The following FAM120A variants were observed in gnomAD, a reference collection of about 807,000 sequenced individuals.
FAM120A encodes family with sequence similarity 120 member A.
In FAM120A, 15 loss-of-function variants were observed where a neutral mutation model predicts 109.7. That is an observed-to-expected ratio of 0.14 (90% CI 0.09 to 0.21). FAM120A has a LOEUF of 0.21. FAM120A is among the 10% of genes least tolerant of loss of function. The pLI is 1.00. For synonymous variants in FAM120A, 493 were observed against 572.8 expected, an observed-to-expected ratio of 0.86 and a Z score of 1.99; for missense variants, 899 against 1,439.3, an observed-to-expected ratio of 0.62 and a Z score of 6.07.
intron 3 of FAM120A, among the ~76,000 whole-genome samples, chr9:93,484,073 T>G (rs1374791128): frequency 6.6e-6 from 1 of 151,970 alleles, no homozygotes; most frequent in African/African-American, 2.4e-5. Flanking sequence ...TCTTGCTCTG[T>G]TGCTCAGGCT....
At position 93,548,514 on chromosome 9, in the gene FAM120A, C is replaced by T. The variant is rs2131536946; in HGVS notation, c.2160-2063C>T. 2.0e-5 allele frequency among the ~76,000 whole-genome samples: 3 copies of T among 152,208 alleles called. 1 individual carries two copies. The highest frequency in any genetic ancestry group is 2.9e-5 in the Non-Finnish European group (2 of 68,022). On this transcript the variant is annotated intron_variant, in intron 11 of 17. Coordinates refer to ENST00000277165, the MANE Select transcript of FAM120A (RefSeq NM_014612.5). Reference sequence around the variant, plus strand: ...TGTGGATGGATGATGGTCATGGTTGCACAGCAGTGTGAATGTGCTTAATGC... The same window carrying T: ...TGTGGATGGATGATGGTCATGGTTGTACAGCAGTGTGAATGTGCTTAATGC...
intron 11 of FAM120A, among the ~76,000 whole-genome samples, chr9:93,543,800 T>C (rs771715706): frequency 1.5e-4 from 23 of 152,308 alleles, no homozygotes; most frequent in South Asian, 6.2e-4. Flanking sequence ...TTATATATTA[T>C]TTGGAGTTCT....
chr9:93,542,670 A>AG (rs1861747856), intron 10 of FAM120A, among the ~76,000 whole-genome samples: 2 of 152,190 alleles, frequency 1.3e-5, no homozygotes, highest in African/African-American at 4.8e-5. Context: ...ATTTGCATCT[A>AG]CTTGTGTTTT....
At chr9:93,473,815 A>G (rs1302268266) in intron 2 of FAM120A, among the ~76,000 whole-genome samples, 2 of 152,336 alleles carry the variant, frequency 1.3e-5, no homozygotes, top group East Asian at 1.9e-4. Flanking sequence ...ATATAAAAGG[A>G]TATTTCCTCT....
chr9:93,514,202 A>G (rs991026410), intron 5 of FAM120A, among the ~76,000 whole-genome samples: 4 of 152,166 alleles, frequency 2.6e-5, no homozygotes, highest in African/African-American at 9.7e-5. Context: ...CAACCATCAG[A>G]TCTTGTGAGA....
chr9:93,527,092 C>T (rs1337717470), intron 7 of FAM120A, 63 bp from the exon 8 acceptor site: 1 of 1,388,608 alleles, frequency 7.2e-7, no homozygotes, highest in Non-Finnish European at 1.0e-6. Context: ...TGAGGCCCTT[C>T]TTATCATTGT....
At position 93,561,215 on chromosome 9, in the gene FAM120A, C is replaced by T. The variant is rs1862454601; in HGVS notation, c.2913C>T (p.Pro971=). 6.2e-7 allele frequency: 1 copy of T among 1,613,114 alleles called. No individual in the cohort carries two copies. Among genetic ancestry groups the T allele is most frequent in the Non-Finnish European group, 8.5e-7 (1 of 1,179,760 alleles). The change falls in exon 16 of 18, where the codon CCC becomes CCT. Residue 971 remains proline, a synonymous_variant. Transcript: ENST00000277165. ...GCCGTGGGGGCCGGGGGCCTTTCCC[C>T]CTGCAGGTGGTTTCTGTCGGAGGAC... ...RRGRGGRGPF[P]LQVVSVGGPA...
intron 5 of FAM120A, among the ~76,000 whole-genome samples, chr9:93,501,469 C>T (rs757173447): frequency 1.3e-5 from 2 of 152,074 alleles, no homozygotes; most frequent in Non-Finnish European, 2.9e-5. Flanking sequence ...TTTCACTACT[C>T]GGTGGTTTAT....
At chr9:93,542,972 C>T (rs1049628198) in intron 10 of FAM120A, among the ~76,000 whole-genome samples, 2 of 152,100 alleles carry the variant, frequency 1.3e-5, no homozygotes, top group Non-Finnish European at 2.9e-5. Flanking sequence ...AAAATCAAGT[C>T]ATGATTTGAT....
chr9:93,534,326 C>T (rs1011929956), intron 10 of FAM120A, among the ~76,000 whole-genome samples: 1 of 152,116 alleles, frequency 6.6e-6, no homozygotes, highest in African/African-American at 2.4e-5. Flanking sequence ...CAGACTGCCC[C>T]GACCTTCTCT....
intron 17 of FAM120A, among the ~76,000 whole-genome samples, chr9:93,563,376 C>CA (rs1333628664): frequency 1.3e-5 from 2 of 152,178 alleles, no homozygotes; most frequent in Non-Finnish European, 2.9e-5. Flanking sequence ...GGCTCTCAGC[C>CA]CTGGTGATTG....
chr9:93,552,917 AG>A (rs1334138451), intron 12 of FAM120A, among the ~76,000 whole-genome samples: 1 of 152,194 alleles, frequency 6.6e-6, no homozygotes, highest in Non-Finnish European at 1.5e-5. Context: ...TGGCCATCAG[AG>A]GAGGAAAAGA....
At chr9:93,453,991 A>G (rs1232997410) in intron 1 of FAM120A, among the ~76,000 whole-genome samples, 1 of 152,198 alleles carries the variant, frequency 6.6e-6, no homozygotes, top group African/African-American at 2.4e-5. Flanking sequence ...TAGAATCAGT[A>G]TGTATGCATA....
chr9:93,543,693 G>A (rs1861786729), intron 11 of FAM120A, among the ~76,000 whole-genome samples: 2 of 152,226 alleles, frequency 1.3e-5, no homozygotes, highest in Admixed American at 6.5e-5. Context: ...GGTATATTTT[G>A]TAAGCATGTA....
intron 3 of FAM120A, among the ~76,000 whole-genome samples, chr9:93,486,955 C>T (rs952618133): frequency 1.3e-5 from 2 of 152,098 alleles, no homozygotes; most frequent in Admixed American, 6.6e-5. Flanking sequence ...TTGTTATTGT[C>T]TATTTTTTTA....
Position 93,503,890 on chromosome 9 carries a change from T to C in FAM120A, c.1030+5004T>C, listed in dbSNP as rs973461545. Among the ~76,000 whole-genome samples the C allele has an allele frequency of 2.0e-5, 3 of 152,110 alleles. No individual in the cohort carries two copies. The East Asian group carries it at 5.8e-4, about 29-fold the overall frequency. Reference sequence around the variant, plus strand: ...AGAGCTCGTTGATTTGTGCATTTCATGACAGGCAGTGTGCTGGGTGCTGAA... The same window carrying C: ...AGAGCTCGTTGATTTGTGCATTTCACGACAGGCAGTGTGCTGGGTGCTGAA... On this transcript the variant is annotated intron_variant, in intron 5 of 17. Coordinates refer to ENST00000277165, the MANE Select transcript of FAM120A (RefSeq NM_014612.5).
At chr9:93,465,372 C>T (rs948273540) in intron 1 of FAM120A, among the ~76,000 whole-genome samples, 1 of 152,138 alleles carries the variant, frequency 6.6e-6, no homozygotes, top group Non-Finnish European at 1.5e-5. Context: ...TAATTGGTAA[C>T]CAAATTCCAT....
chr9:93,511,684 G>A lies in FAM120A; in HGVS notation c.1031-3983G>A, dbSNP rs925100124. Among the ~76,000 whole-genome samples, 8 of 152,314 alleles carry A rather than the reference G, an allele frequency of 5.3e-5. No individual in the cohort carries two copies. The South Asian group carries it at 8.3e-4, about 16-fold the overall frequency. ...TTTTGCCTTGTCTGTGTTTGCAAGC[G>A]ATGAAAATTAAAGGTGGTAGGGATT... On this transcript the variant is annotated intron_variant, in intron 5 of 17. Coordinates refer to ENST00000277165, the MANE Select transcript of FAM120A (RefSeq NM_014612.5).
chr9:93,529,354 C>A lies in FAM120A; in HGVS notation c.1508C>A (p.Ala503Glu). Residue 503 changes from alanine to glutamate, a missense_variant and splice_region_variant, in exon 9 of 18, where the codon GCA (alanine) becomes GAA (glutamate). Physicochemically the swap from Ala to Glu is moderately radical, Grantham distance 107. Around this residue, in one of 11 missense-constraint regions of FAM120A, gnomAD observed 57 missense variants for 52.9 expected, o/e 1.08. Coordinates refer to ENST00000277165, the MANE Select transcript of FAM120A (RefSeq NM_014612.5). Reference protein sequence around the residue: ...ARGDPGDQTKAEGSSTASSGS... With the variant: ...ARGDPGDQTKEEGSSTASSGS... ...TCCCTTCTGCTCTCTGCACTGTAGGCAGAAGGCTCGTCCACTGCCTCTTCA... is the reference window on the plus strand; with the variant it reads ...TCCCTTCTGCTCTCTGCACTGTAGGAAGAAGGCTCGTCCACTGCCTCTTCA... 1.9e-6 allele frequency: 3 copies of A among 1,600,080 alleles called. No homozygotes were observed. Among genetic ancestry groups the A allele is most frequent in the Non-Finnish European group, 2.6e-6 (3 of 1,173,478 alleles).
Sources: gnomAD v4.1 joint callset for allele counts (sites outside exome capture counted in the v4.1 genomes callset) on GRCh38, gnomAD v4.1.1 for gene constraint, gnomAD v4.1.1 regional missense constraint, MANE v1.5 for transcripts, NCBI Gene and HGNC (gene_info 2026-07-23, HGNC 2026-07-21) for gene names.